Variants in NME7 observed in about 807,000 individuals in gnomAD.
The protein encoded by NME7 is NME/NM23 family member 7.
Under a neutral mutation model 49.1 loss-of-function variants are expected in NME7, and 41 were observed. The observed-to-expected ratio is 0.83, with a 90% confidence interval of 0.65 to 1.08. The LOEUF (loss-of-function observed/expected upper bound fraction) is 1.08, where lower values mean the gene tolerates loss of function less well. Ranked by LOEUF, NME7 falls within the 50% of genes least tolerant of loss-of-function variation. The pLI is 0.00. For synonymous variants in NME7, 139 were observed against 150.6 expected, an observed-to-expected ratio of 0.92 and a Z score of 0.56; for missense variants, 423 against 463.4, an observed-to-expected ratio of 0.91 and a Z score of 0.80.
intron 11 of NME7, among the ~76,000 whole-genome samples, chr1:169,147,088 TC>T (rs1465035771): frequency 6.6e-6 from 1 of 152,210 alleles, no homozygotes; most frequent in African/African-American, 2.4e-5. Context: ...CTCAAAGGCC[TC>T]TTGCTGCTGA....
intron 1 of NME7, among the ~76,000 whole-genome samples, chr1:169,357,507 A>G (rs539313093): frequency 2.0e-5 from 3 of 152,208 alleles, no homozygotes; most frequent in Admixed American, 1.3e-4. Context: ...TTTATGTGGA[A>G]ATGCTAGAAA....
intron 7 of NME7, among the ~76,000 whole-genome samples, chr1:169,279,707 A>G (rs1649921749): frequency 6.6e-6 from 1 of 152,162 alleles, no homozygotes; most frequent in Non-Finnish European, 1.5e-5. Context: ...TCCTGCGCCC[A>G]CTGTCTGGCA....
At chr1:169,179,356 G>C (rs746998784) in intron 10 of NME7, among the ~76,000 whole-genome samples, 86 of 152,300 alleles carry the variant, frequency 5.6e-4, no homozygotes, top group Admixed American at 1.0e-3. Flanking sequence ...TTACACTGTT[G>C]GTGGGAATGT....
rs115134245 is a variant in NME7 at position 169,194,680 on chromosome 1, T to G, written c.991-25126A>C. On this transcript the variant is annotated intron_variant, in intron 10 of 11. Transcript: ENST00000367811. ...TCTAGTATCACAAATAAAAGTCAAT[T>G]AAGATCTTTAAACTAAATTTGTTGT... Among the ~76,000 whole-genome samples, 986 of 152,296 alleles carry G rather than the reference T, an allele frequency of 6.5e-3. 14 individuals carry two copies. Among genetic ancestry groups the G allele is most frequent in the African/African-American group, 0.022 (925 of 41,554 alleles).
chr1:169,274,658 G>T (rs1196609866), intron 7 of NME7, among the ~76,000 whole-genome samples: 1 of 133,852 alleles, frequency 7.5e-6, no homozygotes, highest in African/African-American at 2.5e-5. Context: ...GTGTAAGGAA[G>T]GGATCCAGTT....
intron 1 of NME7, among the ~76,000 whole-genome samples, chr1:169,344,024 A>AT (rs1652869499): frequency 6.6e-6 from 1 of 152,136 alleles, no homozygotes; most frequent in Non-Finnish European, 1.5e-5. Flanking sequence ...CCTTAACCAC[A>AT]TTAAGTCTTC....
At chr1:169,301,878 T>C (rs1650954224) in intron 5 of NME7, 1 of 152,024 alleles carries the variant, frequency 6.6e-6, no homozygotes, top group African/African-American at 2.4e-5. Flanking sequence ...TAAACACACA[T>C]AGACACAAAT....
intron 4 of NME7, among the ~76,000 whole-genome samples, chr1:169,309,051 GA>G (rs1383229833): frequency 6.6e-6 from 1 of 151,982 alleles, no homozygotes; most frequent in Non-Finnish European, 1.5e-5. Flanking sequence ...TATATATTAA[GA>G]AATGATTATA....
At chr1:169,342,301 G>C (rs1652737308) in intron 1 of NME7, among the ~76,000 whole-genome samples, 1 of 151,866 alleles carries the variant, frequency 6.6e-6, no homozygotes, top group Non-Finnish European at 1.5e-5. Context: ...CTGCCACCTT[G>C]TGAAAAAGAT....
intron 2 of NME7, 50 bp from the exon 3 acceptor site, chr1:169,323,333 A>G: frequency 7.2e-7 from 1 of 1,397,348 alleles, no homozygotes. Flanking sequence ...AGTTATGAAT[A>G]AGGAAAGTTA....
chr1:169,208,206 T>C (rs999272966), intron 10 of NME7, among the ~76,000 whole-genome samples: 1 of 152,182 alleles, frequency 6.6e-6, no homozygotes, highest in Non-Finnish European at 1.5e-5. Flanking sequence ...TATAAGACTT[T>C]ATTGCAATTA....
chr1:169,367,083 G>A (rs1653894763), intron 1 of NME7, among the ~76,000 whole-genome samples: 1 of 151,982 alleles, frequency 6.6e-6, no homozygotes, highest in Admixed American at 6.6e-5. Context: ...ATTTCCAGGG[G>A]TGAAGCCCAA....
intron 10 of NME7, among the ~76,000 whole-genome samples, chr1:169,206,521 G>A (rs1660679419): frequency 6.6e-6 from 1 of 152,064 alleles, no homozygotes; most frequent in South Asian, 2.1e-4. Flanking sequence ...TTTGACCTTT[G>A]TGTATCTTCC....
At chr1:169,132,900 A>ACTT (rs1290677761) in intron 11 of NME7, 83 bp from the exon 12 acceptor site, 5 of 989,276 alleles carry the variant, frequency 5.1e-6, no homozygotes, top group South Asian at 1.4e-5. Flanking sequence ...GTTGGTCAGG[A>ACTT]CTTCAGACAC....
chr1:169,169,870 C>T (rs1223309454), intron 10 of NME7, among the ~76,000 whole-genome samples: 1 of 152,088 alleles, frequency 6.6e-6, no homozygotes, highest in Non-Finnish European at 1.5e-5. Context: ...CAATTTGATG[C>T]TATTGATTTC....
At chr1:169,181,400 C>CACAT (rs1557976841) in intron 10 of NME7, among the ~76,000 whole-genome samples, 1 of 141,954 alleles carries the variant, frequency 7.0e-6, no homozygotes, top group Non-Finnish European at 1.5e-5. Context: ...CACACACACA[C>CACAT]ATATATACAC....
intron 1 of NME7, among the ~76,000 whole-genome samples, chr1:169,329,892 T>C (rs912185861): frequency 6.6e-5 from 10 of 152,140 alleles, no homozygotes; most frequent in Non-Finnish European, 1.5e-5. Flanking sequence ...TCAAGGCATT[T>C]AATAATCTAA....
chr1:169,348,494 G>A lies in NME7; in HGVS notation c.3+19214C>T, dbSNP rs572702376. On this transcript the variant is annotated intron_variant, in intron 1 of 11. Coordinates refer to ENST00000367811, the MANE Select transcript of NME7 (RefSeq NM_013330.5). ...TTTGACTTTATGAGAAATAATCTGT[G>A]ATACTGTGTACATCTGTGATTTCTA... is the stretch of plus-strand genomic sequence containing the variant. Among the ~76,000 whole-genome samples, 7 of 152,170 alleles carry A rather than the reference G, an allele frequency of 4.6e-5. No homozygotes were observed. In the East Asian group the frequency reaches 1.4e-3, roughly 29 times the overall value.
chr1:169,154,582 CAGATCAGGAGTTCG>C lies in NME7; in HGVS notation c.1098+14851_1098+14864del, dbSNP rs768390317. ...CAGCACTTTGGGAGGCCAAGGTGAG[CAGATCAGGAGTTCG>C]AGACCAGCCTGGCCAATATGGTAAA... is the stretch of plus-strand genomic sequence containing the variant. On this transcript the variant is annotated intron_variant, in intron 11 of 11. Coordinates refer to ENST00000367811, the MANE Select transcript of NME7 (RefSeq NM_013330.5). Among the ~76,000 whole-genome samples the C allele has an allele frequency of 1.2e-3, 187 of 152,056 alleles. 1 individual carries two copies. The highest frequency in any genetic ancestry group is 2.1e-3 in the Non-Finnish European group (145 of 67,954).
Sources: gnomAD v4.1 joint callset for allele counts (sites outside exome capture counted in the v4.1 genomes callset) on GRCh38, gnomAD v4.1.1 for gene constraint, MANE v1.5 for transcripts, NCBI Gene and HGNC (gene_info 2026-07-23, HGNC 2026-07-21) for gene names.